Variants in LRRC36 observed in about 807,000 individuals in gnomAD.
LRRC36 encodes the protein leucine rich repeat containing 36.
A neutral mutation model predicts 81.1 loss-of-function variants in LRRC36; 62 were observed. That is an observed-to-expected ratio of 0.76 (90% CI 0.62 to 0.94). LRRC36 has a LOEUF of 0.94. Among genes scored for constraint, LRRC36 ranks in the 40% least tolerant of loss-of-function variants. The pLI, the probability that LRRC36 is intolerant of heterozygous loss-of-function variation, is 0.00. For missense variants in LRRC36, 761 were observed against 881.7 expected, an observed-to-expected ratio of 0.86 and a Z score of 1.73; for synonymous variants, 334 against 348.6, an observed-to-expected ratio of 0.96 and a Z score of 0.47.
At chr16:67,341,482 C>T (rs777574789) in intron 1 of LRRC36, among the ~76,000 whole-genome samples, 1 of 151,608 alleles carries the variant, frequency 6.6e-6, no homozygotes. Flanking sequence ...TATTGTCTTT[C>T]GTATCAATGT....
At chr16:67,378,760 T>C in intron 12 of LRRC36, 48 bp downstream of exon 12, 1 of 1,600,456 alleles carries the variant, frequency 6.2e-7, no homozygotes. Context: ...AGACAACTGT[T>C]TGTTTATAGA....
chr16:67,355,653 C>T (rs2038870835), intron 5 of LRRC36, among the ~76,000 whole-genome samples: 3 of 152,104 alleles, frequency 2.0e-5, no homozygotes, highest in African/African-American at 4.8e-5. Context: ...GGATTACAGG[C>T]GTGAGCCACC....
rs2039622919 is a variant in LRRC36 at position 67,371,203 on chromosome 16, G to A, written c.1455G>A (p.Leu485=). The A allele has an allele frequency of 6.2e-7, 1 of 1,614,204 alleles. No homozygotes were observed. The highest frequency in any genetic ancestry group is 1.7e-5 in the Admixed American group (1 of 60,024). ...FKWKDNILAN[L]NLKHGFQDAT... ...GGAAGGACAATATCCTTGCCAACCT[G>A]AATCTAAAGCATGGTTTCCAAGATG... The change falls in exon 9 of 14, where the codon CTG becomes CTA. Residue 485 remains leucine, a synonymous_variant. Coordinates refer to ENST00000329956, the MANE Select transcript of LRRC36 (RefSeq NM_018296.6).
rs2038036053 is a variant in LRRC36, at chr16:67,341,035, T to TTA, written c.71-921_71-920insAT. Among the ~76,000 whole-genome samples the TTA allele has an allele frequency of 4.0e-5, 5 of 126,422 alleles. 2 individuals are homozygous for TTA. The highest frequency in any genetic ancestry group is 1.5e-4 in the African/African-American group (5 of 32,884). The allele number at this position is 126,422 out of a possible 152,430, so 82.9% of individuals were successfully genotyped here. A position where few individuals can be genotyped will look rare whatever the true frequency, so the allele number is the denominator to read the frequency against. ...TTCTATAGAATATGTACTCTACATATTCTATAGAATATGTACTCTACATAT... is the reference window on the plus strand; with the variant it reads ...TTCTATAGAATATGTACTCTACATATTATCTATAGAATATGTACTCTACATAT... On this transcript the variant is annotated intron_variant, in intron 1 of 13. Transcript: ENST00000329956.
chr16:67,366,047 A>T (rs1018574632), intron 7 of LRRC36, among the ~76,000 whole-genome samples: 2 of 152,034 alleles, frequency 1.3e-5, no homozygotes, highest in African/African-American at 4.8e-5. Flanking sequence ...TCTTTGTGTG[A>T]TAATGCCTCT....
chr16:67,342,004 C>T lies in LRRC36; in HGVS notation c.118C>T (p.His40Tyr). Residue 40 changes from histidine to tyrosine, a missense_variant, in exon 2 of 14, where the codon CAT becomes TAT. Physicochemically the swap from His to Tyr is moderately conservative, Grantham distance 83. This residue lies in a region of LRRC36 where 263 missense variants were observed against 279.3 expected (regional missense o/e 0.94). Coordinates refer to ENST00000329956, the MANE Select transcript of LRRC36 (RefSeq NM_018296.6). ...GCAGGGATCTTATGCTGGCAAAATCCATTCCATTGGTGATGCCTTCAGAAA... is the reference window on the plus strand; with the variant it reads ...GCAGGGATCTTATGCTGGCAAAATCTATTCCATTGGTGATGCCTTCAGAAA... ...SLQGSYAGKI[H>Y]SIGDAFRNFK... is the part of the protein sequence containing the mutation. The T allele has an allele frequency of 6.2e-7, 1 of 1,609,886 alleles. No individual in the cohort carries two copies. The highest frequency in any genetic ancestry group is 8.5e-7 in the Non-Finnish European group (1 of 1,177,038).
In LRRC36 at chr16:67,363,634, A is replaced by C. The variant is rs148930516; in HGVS notation, c.622A>C (p.Lys208Gln). The change falls in exon 6 of 14, where the codon AAG (lysine) becomes CAG (glutamine). Residue 208 changes from lysine (K) to glutamine (Q), a missense_variant. Lys to Gln is a moderately conservative substitution (Grantham distance 53). Transcript: ENST00000329956. ...TATTCCCTTCCCCAACCGGGAAATA[A>C]AGGATTCCCTAAGTACTTCTGCAAC... The part of the protein sequence containing the change: ...LFIPFPNREI[K>Q]DSLSTSATQG... The C allele has an allele frequency of 6.2e-7, 1 of 1,613,874 alleles. No individual in the cohort carries two copies. The highest frequency in any genetic ancestry group is 8.5e-7 in the Non-Finnish European group (1 of 1,179,856).
rs769010601 is a variant in LRRC36, at chr16:67,363,676, C to G, written c.664C>G (p.Arg222Gly). 4 of 1,613,808 alleles carry G rather than the reference C, an allele frequency of 2.5e-6. No individual in the cohort carries two copies. The highest frequency in any genetic ancestry group is 3.4e-6 in the Non-Finnish European group (4 of 1,179,740). ...STSATQGNGT[R>G]DQKLDTFPLG... ...TTCTGCAACTCAGGGCAATGGTACA[C>G]GTGATCAGAAATTAGACACCTTCCC... The change falls in exon 6 of 14, where the codon CGT becomes GGT. Residue 222 changes from arginine (R) to glycine (G), a missense_variant. Coordinates refer to ENST00000329956, the MANE Select transcript of LRRC36 (RefSeq NM_018296.6).
chr16:67,358,546 T>G (rs948176509), intron 5 of LRRC36, among the ~76,000 whole-genome samples: 1 of 150,836 alleles, frequency 6.6e-6, no homozygotes, highest in Non-Finnish European at 1.5e-5. Flanking sequence ...GGAGATAAGG[T>G]CTTGCTATGT....
chr16:67,351,148 G>A (rs1418063197), intron 5 of LRRC36, among the ~76,000 whole-genome samples: 1 of 152,206 alleles, frequency 6.6e-6, no homozygotes, highest in African/African-American at 2.4e-5. Context: ...GTGAATCCTT[G>A]TGGATTAGCT....
At chr16:67,336,593 T>C (rs1181614734) in intron 1 of LRRC36, 2 of 152,146 alleles carry the variant, frequency 1.3e-5, no homozygotes, top group Non-Finnish European at 2.9e-5. Flanking sequence ...TTTCATATGT[T>C]TGTTTAGTGG....
At chr16:67,360,240 A>G (rs886948245) in intron 5 of LRRC36, among the ~76,000 whole-genome samples, 1 of 152,176 alleles carries the variant, frequency 6.6e-6, no homozygotes, top group African/African-American at 2.4e-5. Flanking sequence ...GACTTAAGAG[A>G]TTTAGATTTA....
intron 4 of LRRC36, among the ~76,000 whole-genome samples, chr16:67,348,171 G>A (rs997133802): frequency 1.3e-5 from 2 of 152,064 alleles, no homozygotes; most frequent in South Asian, 2.1e-4. Flanking sequence ...AAAATAGATA[G>A]CAGTCCATTA....
intron 4 of LRRC36, among the ~76,000 whole-genome samples, chr16:67,349,301 G>A (rs2038504228): frequency 6.6e-6 from 1 of 151,716 alleles, no homozygotes; most frequent in Admixed American, 6.6e-5. Context: ...TCTAACCTTG[G>A]GTGAAGTTTT....
intron 6 of LRRC36, 107 bp from the exon 7 acceptor site, chr16:67,365,197 G>A (rs2039327486): frequency 3.0e-6 from 2 of 661,526 alleles, no homozygotes; most frequent in African/African-American, 3.6e-5. Context: ...AGCTTGCAAG[G>A]ATAGTCTTTC....
intron 8 of LRRC36, among the ~76,000 whole-genome samples, chr16:67,368,784 C>A (rs538857851): frequency 6.6e-6 from 1 of 152,176 alleles, no homozygotes; most frequent in South Asian, 2.1e-4. Flanking sequence ...ATGGCTTGGG[C>A]TAGACAGATA....
chr16:67,380,761 G>A (rs1040539683), intron 12 of LRRC36, among the ~76,000 whole-genome samples: 1 of 152,068 alleles, frequency 6.6e-6, no homozygotes, highest in African/African-American at 2.4e-5. Context: ...TGGCTTACTG[G>A]TGATAAATAA....
At chr16:67,381,570 C>A (rs1424203954) in intron 12 of LRRC36, among the ~76,000 whole-genome samples, 2 of 152,128 alleles carry the variant, frequency 1.3e-5, no homozygotes, top group Non-Finnish European at 2.9e-5. Flanking sequence ...GGCTAAGGGG[C>A]AGGGTTATTA....
Position 67,377,393 on chromosome 16 carries a change from C to T in LRRC36, c.1806+521C>T, listed in dbSNP as rs1344887300. Among the ~76,000 whole-genome samples the T allele has an allele frequency of 7.9e-5, 12 of 152,304 alleles. No homozygotes were observed. In the South Asian group the frequency reaches 1.0e-3, roughly 13 times the overall value. On this transcript the variant is annotated intron_variant, in intron 11 of 13. Coordinates refer to ENST00000329956, the MANE Select transcript of LRRC36 (RefSeq NM_018296.6). ...TTACCCAGCCTCGAGCGCAGTGGCA[C>T]GATCTCGGCTCACTGCAACCTCTGC...
Sources: allele counts gnomAD v4.1 joint callset (sites outside exome capture counted in the v4.1 genomes callset), GRCh38; gene constraint gnomAD v4.1.1; regional missense constraint gnomAD v4.1.1; transcripts MANE v1.5; gene names NCBI Gene and HGNC (gene_info 2026-07-23, HGNC 2026-07-21).